The following IMMP2L variants were observed in gnomAD, a reference collection of about 807,000 sequenced individuals.
IMMP2L encodes the protein mitochondrial inner membrane protease subunit 2.
Under a neutral mutation model 19.3 loss-of-function variants are expected in IMMP2L, and 18 were observed. The ratio of observed to expected loss-of-function variants is 0.93; its 90% confidence interval spans 0.64 to 1.38. The LOEUF (loss-of-function observed/expected upper bound fraction) is 1.38, where lower values mean the gene tolerates loss of function less well. Ranked by LOEUF, IMMP2L falls within the 40% of genes most tolerant of loss-of-function variation. IMMP2L has a pLI of 0.00. For missense variants in IMMP2L, 233 were observed against 218.2 expected (o/e 1.07, Z -0.43); for synonymous variants, 76 against 73.0 (o/e 1.04, Z -0.21).
At chr7:111,216,104 A>G (rs189858716) in intron 3 of IMMP2L, among the ~76,000 whole-genome samples, 134 of 152,224 alleles carry the variant, frequency 8.8e-4, no homozygotes, top group African/African-American at 3.2e-3. Flanking sequence ...TTGCCTTTGG[A>G]TCATTCCAGA....
chr7:110,736,888 T>C (rs181731192), intron 5 of IMMP2L, among the ~76,000 whole-genome samples: 3 of 152,120 alleles, frequency 2.0e-5, no homozygotes, highest in East Asian at 1.9e-4. Flanking sequence ...AACTTCTGAG[T>C]TGGTGCTGAA....
intron 3 of IMMP2L, among the ~76,000 whole-genome samples, chr7:110,979,744 A>G (rs1821071384): frequency 6.6e-6 from 1 of 152,062 alleles, no homozygotes; most frequent in African/African-American, 2.4e-5. Context: ...CAAACCAACC[A>G]CTTGAAAAAT....
chr7:111,373,238 T>G (rs987161681), intron 3 of IMMP2L, among the ~76,000 whole-genome samples: 1 of 151,964 alleles, frequency 6.6e-6, no homozygotes, highest in Non-Finnish European at 1.5e-5. Flanking sequence ...ATAAGTTTTC[T>G]ATGAAAAGGA....
intron 4 of IMMP2L, among the ~76,000 whole-genome samples, chr7:110,908,450 C>G (rs941565153): frequency 6.6e-6 from 1 of 152,084 alleles, no homozygotes; most frequent in Non-Finnish European, 1.5e-5. Flanking sequence ...ATTAGGCTCC[C>G]TGTATTGAAA....
intron 3 of IMMP2L, among the ~76,000 whole-genome samples, chr7:111,157,394 A>G (rs1185244492): frequency 6.6e-6 from 1 of 152,188 alleles, no homozygotes; most frequent in African/African-American, 2.4e-5. Flanking sequence ...CTCTTCAGCC[A>G]TAAAAAATAA....
chr7:111,193,039 AT>A (rs2129613466), intron 3 of IMMP2L, among the ~76,000 whole-genome samples: 1 of 152,264 alleles, frequency 6.6e-6, no homozygotes, highest in African/African-American at 2.4e-5. Context: ...TGGACAGAGA[AT>A]TACTAAGAGA....
intron 3 of IMMP2L, among the ~76,000 whole-genome samples, chr7:111,104,852 T>C (rs892621028): frequency 6.6e-6 from 1 of 151,722 alleles, no homozygotes; most frequent in Non-Finnish European, 1.5e-5. Context: ...GAGAGGGTCA[T>C]GGCTTCTAGA....
chr7:111,524,226 A>T (rs1846617469), intron 1 of IMMP2L, among the ~76,000 whole-genome samples: 1 of 152,028 alleles, frequency 6.6e-6, no homozygotes, highest in Non-Finnish European at 1.5e-5. Context: ...TGACCTCCAC[A>T]TCTATTCTTT....
chr7:111,443,663 T>C (rs1205148422), intron 3 of IMMP2L, among the ~76,000 whole-genome samples: 1 of 152,172 alleles, frequency 6.6e-6, no homozygotes, highest in Non-Finnish European at 1.5e-5. Context: ...TTTCAAATGT[T>C]TTGACACAAC....
intron 3 of IMMP2L, among the ~76,000 whole-genome samples, chr7:110,971,439 C>A (rs1820134363): frequency 6.6e-6 from 1 of 152,042 alleles, no homozygotes; most frequent in Non-Finnish European, 1.5e-5. Context: ...AGTAAAGGAA[C>A]CTTTACAACT....
intron 3 of IMMP2L, among the ~76,000 whole-genome samples, chr7:111,427,540 A>G (rs1450906679): frequency 6.6e-6 from 1 of 151,838 alleles, no homozygotes. Flanking sequence ...CTACATTACC[A>G]TATTGAAATA....
chr7:110,969,617 T>C (rs1199204753), intron 3 of IMMP2L, among the ~76,000 whole-genome samples: 1 of 152,050 alleles, frequency 6.6e-6, no homozygotes, highest in African/African-American at 2.4e-5. Context: ...GGAAAGATCA[T>C]GGGAAAGGAA....
intron 3 of IMMP2L, among the ~76,000 whole-genome samples, chr7:111,167,904 T>C (rs1054167411): frequency 6.6e-6 from 1 of 151,990 alleles, no homozygotes; most frequent in African/African-American, 2.4e-5. Context: ...TAATACCTTT[T>C]CCATTAACTA....
At chr7:110,822,155 T>A (rs1034173081) in intron 5 of IMMP2L, among the ~76,000 whole-genome samples, 5 of 152,108 alleles carry the variant, frequency 3.3e-5, no homozygotes, top group African/African-American at 1.2e-4. Flanking sequence ...TTCTTTCTTC[T>A]GATCAATGAC....
chr7:111,524,242 G>T (rs1403896318), intron 1 of IMMP2L, among the ~76,000 whole-genome samples: 1 of 151,620 alleles, frequency 6.6e-6, no homozygotes, highest in African/African-American at 2.4e-5. Flanking sequence ...TCTTTTTATT[G>T]TTTCCAAAAT....
At chr7:110,775,280 T>TGTGTGTGTGTGG (rs759434539) in intron 5 of IMMP2L, among the ~76,000 whole-genome samples, 1 of 148,842 alleles carries the variant, frequency 6.7e-6, no homozygotes, top group African/African-American at 2.5e-5. Context: ...TGTGTGTGTG[T>TGTGTGTGTGTGG]GGTTCTGATC....
At chr7:111,037,572 T>A (rs1360393820) in intron 3 of IMMP2L, among the ~76,000 whole-genome samples, 1 of 152,116 alleles carries the variant, frequency 6.6e-6, no homozygotes, top group South Asian at 2.1e-4. Context: ...TCATTTTAAT[T>A]TCAGGGTCTT....
intron 5 of IMMP2L, among the ~76,000 whole-genome samples, chr7:110,692,578 A>G (rs1205063504): frequency 6.6e-6 from 1 of 152,188 alleles, no homozygotes; most frequent in Non-Finnish European, 1.5e-5. Context: ...GTTAACCATA[A>G]CAGTTGCATT....
intron 5 of IMMP2L, among the ~76,000 whole-genome samples, chr7:110,828,231 T>G (rs1803673723): frequency 6.6e-6 from 1 of 152,132 alleles, no homozygotes; most frequent in African/African-American, 2.4e-5. Context: ...GCATGCTGTG[T>G]TCCAAAAAAA....
Sources: gnomAD v4.1 joint callset for allele counts (sites outside exome capture counted in the v4.1 genomes callset) on GRCh38, gnomAD v4.1.1 for gene constraint, MANE v1.5 for transcripts, NCBI Gene and HGNC (gene_info 2026-07-23, HGNC 2026-07-21) for gene names.